NME8: variants seen among roughly 807,000 people sequenced by gnomAD.
The protein encoded by NME8 is protein NME8.
A neutral mutation model predicts 82.3 loss-of-function variants in NME8; 72 were observed. The observed-to-expected ratio is 0.87, with a 90% CI of 0.72 to 1.06. The LOEUF is 1.06. Among genes scored for constraint, NME8 ranks in the 50% least tolerant of loss-of-function variants. The pLI is 0.00. For synonymous variants in NME8, 267 were observed against 228.5 expected (o/e 1.17, Z -1.52); for missense variants, 712 against 685.4 (o/e 1.04, Z -0.43).
At chr7:37,890,530 C>T (rs1785113841) in intron 15 of NME8, among the ~76,000 whole-genome samples, 1 of 151,860 alleles carries the variant, frequency 6.6e-6, no homozygotes, top group African/African-American at 2.4e-5. Context: ...TGCATTAGAA[C>T]ACCAGAGGTT....
intron 11 of NME8, 66 bp downstream of exon 11, chr7:37,867,964 G>A (rs542596382): frequency 3.6e-4 from 487 of 1,365,436 alleles, no homozygotes; most frequent in Non-Finnish European, 4.4e-4. Context: ...CGTAGTGTAG[G>A]CACCTCAGTA....
rs183653537 is a variant in NME8, at chr7:37,849,283, A to G, written c.-8+227A>G. On this transcript the variant is annotated intron_variant, in intron 2 of 17. Coordinates refer to ENST00000199447, the MANE Select transcript of NME8 (RefSeq NM_016616.5). ...ATATCCTTAGAGCAGCCAGATCTGA[A>G]GAGGGACCCCAGAAAGATCCACGGG... Among the ~76,000 whole-genome samples, 178 of 152,290 alleles carry G rather than the reference A, an allele frequency of 1.2e-3. 2 individuals are homozygous for G. Among genetic ancestry groups the G allele is most frequent in the African/African-American group, 4.2e-3 (174 of 41,548 alleles).
At position 37,848,929 on chromosome 7, in the gene NME8, C is replaced by G. The variant is rs1038131788; in HGVS notation, c.-135C>G. ...TCGGGCCCTACCAGGGTCCTAGGTA[C>G]TGGAATGGAACTTCGCCGAGGTCAC... On this transcript the variant is annotated 5_prime_UTR_variant, in exon 2 of 18. Coordinates refer to ENST00000199447, the MANE Select transcript of NME8 (RefSeq NM_016616.5). 57 of 152,396 alleles carry G rather than the reference C, an allele frequency of 3.7e-4. No homozygotes were observed. Among genetic ancestry groups the G allele is most frequent in the African/African-American group, 1.3e-3 (54 of 41,572 alleles). The allele number at this position is 152,396 out of a possible 1,614,324, so 9.4% of individuals were successfully genotyped here. A position where few individuals can be genotyped will look rare whatever the true frequency, so the allele number is the denominator to read the frequency against.
In NME8 at chr7:37,888,261, G is replaced by C. The variant is rs1367095335; in HGVS notation, c.1248-16G>C. The C allele has an allele frequency of 6.2e-7, 1 of 1,612,908 alleles. No individual in the cohort carries two copies. The highest frequency in any genetic ancestry group is 2.2e-5 in the East Asian group (1 of 44,874). ...TTCTGTTCTAATAGCTTTTAAACCT[G>C]ACTTCTTTTTCAAAGTTTATGTGCA... On this transcript the variant is annotated splice_polypyrimidine_tract_variant and intron_variant, in intron 14 of 17. Coordinates refer to ENST00000199447, the MANE Select transcript of NME8 (RefSeq NM_016616.5).
intron 17 of NME8, among the ~76,000 whole-genome samples, chr7:37,899,727 G>GTTAGTAAATAAA (rs1428366083): frequency 3.9e-5 from 6 of 152,102 alleles, no homozygotes; most frequent in Non-Finnish European, 5.9e-5. Context: ...TTCTTAAACA[G>GTTAGTAAATAAA]TTAGTAAATA....
chr7:37,856,815 CTG>C (rs1784519061), intron 5 of NME8, among the ~76,000 whole-genome samples: 1 of 152,166 alleles, frequency 6.6e-6, no homozygotes, highest in Admixed American at 6.6e-5. Flanking sequence ...CATACTATCT[CTG>C]TGCACACAAC....
intron 6 of NME8, among the ~76,000 whole-genome samples, chr7:37,861,013 C>T (rs552070599): frequency 4.0e-4 from 61 of 152,286 alleles, no homozygotes; most frequent in Non-Finnish European, 7.2e-4. Context: ...TTTCCATCTC[C>T]ACCACCGTCA....
intron 13 of NME8, among the ~76,000 whole-genome samples, chr7:37,884,679 A>C (rs1472370092): frequency 6.6e-6 from 1 of 152,208 alleles, no homozygotes; most frequent in Admixed American, 6.6e-5. Context: ...AAGTTACTGG[A>C]GTCCCATTGA....
At chr7:37,868,302 G>A (rs996435047) in intron 11 of NME8, among the ~76,000 whole-genome samples, 9 of 152,186 alleles carry the variant, frequency 5.9e-5, no homozygotes, top group Non-Finnish European at 1.5e-5. Flanking sequence ...GACCTTATTA[G>A]CCACACAGGT....
At chr7:37,873,853 AC>A (rs747863756) in intron 11 of NME8, among the ~76,000 whole-genome samples, 3 of 152,206 alleles carry the variant, frequency 2.0e-5, no homozygotes, top group Non-Finnish European at 4.4e-5. Flanking sequence ...AAGCAACCAG[AC>A]TTTTAATTGG....
rs113108115 is a variant in NME8 at position 37,857,158 on chromosome 7, C to T, written c.199-116C>T. On this transcript the variant is annotated intron_variant, in intron 5 of 17. Transcript: ENST00000199447. ...GATCCCTAAAACCACTAAGGCATACCGAATGTTGCAGTAAACCTAAAAATT... is the reference window on the plus strand; with the variant it reads ...GATCCCTAAAACCACTAAGGCATACTGAATGTTGCAGTAAACCTAAAAATT... 100 of 774,326 alleles carry T rather than the reference C, an allele frequency of 1.3e-4. 1 individual carries two copies. The highest frequency in any genetic ancestry group is 5.2e-4 in the African/African-American group (30 of 57,608). The allele number at this position is 774,326 out of a possible 1,614,324, so 48.0% of individuals were successfully genotyped here. A position where few individuals can be genotyped will look rare whatever the true frequency, so the allele number is the denominator to read the frequency against.
At chr7:37,887,991 G>T (rs1785069710) in intron 14 of NME8, among the ~76,000 whole-genome samples, 1 of 152,072 alleles carries the variant, frequency 6.6e-6, no homozygotes, top group African/African-American at 2.4e-5. Flanking sequence ...ATGAGAATTG[G>T]GTGGGAACAA....
intron 15 of NME8, among the ~76,000 whole-genome samples, chr7:37,889,709 G>A (rs538260516): frequency 1.1e-3 from 174 of 151,814 alleles, no homozygotes; most frequent in African/African-American, 4.1e-3. Flanking sequence ...TGAAATTATC[G>A]TGGTGTTGCC....
At chr7:37,874,333 G>C (rs2722303) in intron 11 of NME8, among the ~76,000 whole-genome samples, 84,199 of 151,436 alleles carry the variant, frequency 0.56, 24,514 homozygotes, top group East Asian at 0.68. Context: ...CTAGAGGTTT[G>C]TGGGTGTATG....
chr7:37,882,387 T>A (rs1365092610), intron 12 of NME8, among the ~76,000 whole-genome samples: 1 of 151,680 alleles, frequency 6.6e-6, no homozygotes, highest in Non-Finnish European at 1.5e-5. Flanking sequence ...CTGGGGAGGC[T>A]GAGGCAGGAG....
chr7:37,850,650 G>T lies in NME8; in HGVS notation c.113G>T (p.Trp38Leu). The T allele has an allele frequency of 6.2e-7, 1 of 1,611,780 alleles. No homozygotes were observed. The highest frequency in any genetic ancestry group is 1.1e-5 in the South Asian group (1 of 91,036). ...CTAGTGATTGATGTTTACCAAGCCT[G>T]GTGTGGACCTTGCAGAGCAATGCAA... Reference protein sequence around the residue: ...GLTVIDVYQAWCGPCRAMQPL... With the variant: ...GLTVIDVYQALCGPCRAMQPL... The change falls in exon 5 of 18, where the codon TGG (tryptophan) becomes TTG (leucine). Residue 38 changes from tryptophan (W) to leucine (L), a missense_variant. Physicochemically the swap from Trp to Leu is moderately conservative, Grantham distance 61. Coordinates refer to ENST00000199447, the MANE Select transcript of NME8 (RefSeq NM_016616.5).
intron 11 of NME8, among the ~76,000 whole-genome samples, chr7:37,873,562 T>G (rs1784803850): frequency 6.6e-6 from 1 of 152,186 alleles, no homozygotes; most frequent in African/African-American, 2.4e-5. Flanking sequence ...TTTTGCTTTT[T>G]GAAAGCTTTA....
At chr7:37,894,997 G>T (rs1785200209) in intron 16 of NME8, among the ~76,000 whole-genome samples, 1 of 151,346 alleles carries the variant, frequency 6.6e-6, no homozygotes, top group Non-Finnish European at 1.5e-5. Context: ...ATACTTAATT[G>T]TTGCCTGAGT....
At chr7:37,865,740 T>C (rs1784667105) in intron 10 of NME8, 123 bp downstream of exon 10, 1 of 694,070 alleles carries the variant, frequency 1.4e-6, no homozygotes, top group Non-Finnish European at 2.6e-6. Context: ...GCTCCTGGTG[T>C]CCCTGTTGGT....
Sources: gnomAD v4.1 joint callset for allele counts (sites outside exome capture counted in the v4.1 genomes callset) on GRCh38, gnomAD v4.1.1 for gene constraint, MANE v1.5 for transcripts, NCBI Gene and HGNC (gene_info 2026-07-23, HGNC 2026-07-21) for gene names.